Variants in VPS45 observed in about 807,000 individuals in gnomAD.
VPS45 encodes the protein vacuolar protein sorting 45 homolog, also known as vacuolar protein sorting-associated protein 45.
In VPS45, 35 loss-of-function variants were observed where a neutral mutation model predicts 75.9. The observed-to-expected ratio is 0.46, with a 90% CI of 0.35 to 0.61. The LOEUF is 0.61. Among genes scored for constraint, VPS45 ranks in the 20% least tolerant of loss-of-function variants. The pLI is 0.00. For synonymous variants in VPS45, 220 were observed against 238.2 expected (o/e 0.92, Z 0.70); for missense variants, 559 against 685.9 (o/e 0.81, Z 2.07).
intron 13 of VPS45, among the ~76,000 whole-genome samples, chr1:150,103,978 T>C (rs1657181850): frequency 6.6e-6 from 1 of 152,222 alleles, no homozygotes; most frequent in African/African-American, 2.4e-5. Flanking sequence ...AAAATGTGTT[T>C]ATTTGAGTAA....
Position 150,136,775 on chromosome 1 carries a change from A to G in VPS45, c.1626-7934A>G, listed in dbSNP as rs1344442055. The stretch of plus-strand genomic sequence containing the variant: ...ATTAAGGACAGGAGCAAGATTTAAA[A>G]AAAAAAAAAAAAAAAGGTGTACCAC... On this transcript the variant is annotated intron_variant, in intron 14 of 14. Coordinates refer to ENST00000644510, the MANE Select transcript of VPS45 (RefSeq NM_007259.5). Among the ~76,000 whole-genome samples, 209 of 151,688 alleles carry G rather than the reference A, an allele frequency of 1.4e-3. 1 individual carries two copies. The highest frequency in any genetic ancestry group is 4.8e-3 in the African/African-American group (200 of 41,410).
At chr1:150,089,722 G>A (rs1194267880) in intron 10 of VPS45, among the ~76,000 whole-genome samples, 3 of 152,026 alleles carry the variant, frequency 2.0e-5, no homozygotes, top group African/African-American at 7.2e-5. Flanking sequence ...TACATAATTT[G>A]TACCTGAAAT....
At chr1:150,070,525 G>T (rs1553796835) in intron 2 of VPS45, among the ~76,000 whole-genome samples, 1 of 151,918 alleles carries the variant, frequency 6.6e-6, no homozygotes, top group Non-Finnish European at 1.5e-5. Context: ...GGGCGCGGTG[G>T]CTCACGCCTG....
intron 14 of VPS45, among the ~76,000 whole-genome samples, chr1:150,141,636 A>G (rs1329119607): frequency 6.6e-6 from 1 of 152,130 alleles, no homozygotes; most frequent in East Asian, 1.9e-4. Context: ...TTCCTTCTAT[A>G]CATGGAGTCA....
At chr1:150,067,669 T>C, upstream of VPS45, 1 of 549,152 alleles carries the variant, frequency 1.8e-6, no homozygotes, top group Non-Finnish European at 3.2e-6. Context: ...GATTTTTCCA[T>C]CCCCGGGGTA....
chr1:150,100,726 A>G (rs908263334), intron 13 of VPS45, among the ~76,000 whole-genome samples: 1 of 152,310 alleles, frequency 6.6e-6, no homozygotes, highest in South Asian at 2.1e-4. Context: ...AAAACAAGCA[A>G]TGGGGAAAAG....
intron 14 of VPS45, among the ~76,000 whole-genome samples, chr1:150,120,254 A>G (rs1377303075): frequency 4.6e-5 from 7 of 152,244 alleles, no homozygotes; most frequent in African/African-American, 1.4e-4. Context: ...CCAGAAAATA[A>G]CAAGTACCCT....
At chr1:150,125,286 T>A (rs934018625) in intron 14 of VPS45, among the ~76,000 whole-genome samples, 22 of 2,814 alleles carry the variant, frequency 7.8e-3, no homozygotes, top group African/African-American at 0.029. Context: ...TTGGGAACAT[T>A]CAAAATCTTC....
intron 3 of VPS45, among the ~76,000 whole-genome samples, chr1:150,074,955 C>CTTTTTTTTTT (rs782039324): frequency 4.9e-5 from 4 of 81,110 alleles, no homozygotes; most frequent in African/African-American, 1.6e-4. Context: ...ATTATTTATT[C>CTTTTTTTTTT]TTTTTTTTTT....
At chr1:150,085,055 G>A (rs1655930703) in intron 10 of VPS45, among the ~76,000 whole-genome samples, 1 of 151,972 alleles carries the variant, frequency 6.6e-6, no homozygotes, top group Non-Finnish European at 1.5e-5. Flanking sequence ...TCACTAAATA[G>A]TATCCTTTGT....
chr1:150,092,516 T>G (rs1328891983), intron 12 of VPS45, 107 bp downstream of exon 12: 39 of 875,426 alleles, frequency 4.5e-5, no homozygotes, highest in Non-Finnish European at 6.2e-5. Flanking sequence ...GCTGCTAATT[T>G]AGTACTGTGT....
chr1:150,069,459 CTTTTT>C (rs10707595), intron 2 of VPS45, among the ~76,000 whole-genome samples: 1 of 128,136 alleles, frequency 7.8e-6, no homozygotes, highest in Admixed American at 8.7e-5. Context: ...ATTTGTTACA[CTTTTT>C]TTTTTTTTTT....
At chr1:150,131,938 AAC>A (rs1341029041) in intron 14 of VPS45, among the ~76,000 whole-genome samples, 11 of 152,190 alleles carry the variant, frequency 7.2e-5, no homozygotes, top group Non-Finnish European at 1.5e-5. Context: ...AGAAGGAAGA[AAC>A]AGATTAATAG....
chr1:150,129,483 A>ATAC (rs1658699805), intron 14 of VPS45, among the ~76,000 whole-genome samples: 1 of 152,184 alleles, frequency 6.6e-6, no homozygotes, highest in South Asian at 2.1e-4. Context: ...AAAAATAGCC[A>ATAC]TACTGCCACC....
chr1:150,100,145 T>G (rs1172534796), intron 13 of VPS45, among the ~76,000 whole-genome samples: 1 of 152,144 alleles, frequency 6.6e-6, no homozygotes, highest in Non-Finnish European at 1.5e-5. Flanking sequence ...AGTTGCAGGA[T>G]ACAAGTCAAT....
At chr1:150,123,112 CAT>C (rs1284844494) in intron 14 of VPS45, among the ~76,000 whole-genome samples, 4 of 151,858 alleles carry the variant, frequency 2.6e-5, no homozygotes, top group African/African-American at 9.7e-5. Flanking sequence ...TGAATGGAAT[CAT>C]ATAATATGTA....
intron 7 of VPS45, among the ~76,000 whole-genome samples, chr1:150,078,882 G>T (rs1242154548): frequency 2.6e-5 from 4 of 151,994 alleles, no homozygotes; most frequent in Non-Finnish European, 5.9e-5. Context: ...GGTCGAGGTG[G>T]GTAGATCACC....
intron 14 of VPS45, among the ~76,000 whole-genome samples, chr1:150,129,543 A>AT (rs1293505226): frequency 6.6e-5 from 10 of 151,676 alleles, no homozygotes; most frequent in South Asian, 4.2e-4. Flanking sequence ...ATGTATACAC[A>AT]TTTTTTTTAA....
intron 7 of VPS45, among the ~76,000 whole-genome samples, chr1:150,080,891 TCC>T (rs1655666722): frequency 6.6e-6 from 1 of 152,172 alleles, no homozygotes. Flanking sequence ...ATATTAGTGT[TCC>T]CAGGACAAAT....
Sources: allele counts gnomAD v4.1 joint callset (sites outside exome capture counted in the v4.1 genomes callset), GRCh38; gene constraint gnomAD v4.1.1; transcripts MANE v1.5; gene names NCBI Gene and HGNC (gene_info 2026-07-23, HGNC 2026-07-21).